Variants in UACA observed in about 807,000 individuals in gnomAD.
UACA encodes the protein nuclear membrane binding protein.
Under a neutral mutation model 160.5 loss-of-function variants are expected in UACA, and 112 were observed. The observed-to-expected ratio is 0.70, with a 90% CI of 0.60 to 0.82. The LOEUF is 0.82. Among genes scored for constraint, UACA ranks in the 40% least tolerant of loss-of-function variants. The pLI, the probability that UACA is intolerant of heterozygous loss-of-function variation, is 0.00. For missense variants in UACA, 1,574 were observed against 1,614.6 expected, an observed-to-expected ratio of 0.97 and a Z score of 0.43; for synonymous variants, 557 against 568.4, an observed-to-expected ratio of 0.98 and a Z score of 0.29.
At chr15:70,670,553 T>TTAAACCTACTTCTGCCC (rs1897101500) in intron 15 of UACA, among the ~76,000 whole-genome samples, 1 of 152,090 alleles carries the variant, frequency 6.6e-6, no homozygotes, top group Non-Finnish European at 1.5e-5. Flanking sequence ...TCCCTCTGCC[T>TTAAACCTACTTCTGCCC]TAAACCTACT....
At position 70,669,344 on chromosome 15, in the gene UACA, TCTAA is replaced by T; in HGVS notation, c.1336_1339del (p.Leu446LysfsTer15). ...TGACTCACAGAAAGTTCGCATTGCT[TCTAA>T]CTCTTTCTTTAAAATTTCATTTTCA... is the stretch of plus-strand genomic sequence containing the variant. On this transcript the variant is annotated frameshift_variant, in exon 16 of 19. Transcript: ENST00000322954. LOFTEE classifies it high-confidence loss of function. The T allele has an allele frequency of 1.9e-6, 3 of 1,614,104 alleles. No homozygotes were observed. The highest frequency in any genetic ancestry group is 1.1e-5 in the South Asian group (1 of 91,086).
In UACA at chr15:70,668,996, A is replaced by T. The variant is rs751617518; in HGVS notation, c.1688T>A (p.Leu563Ter). Residue 563 changes from leucine to a stop codon, truncating the protein, a stop_gained, in exon 16 of 19, where the codon TTA becomes TAA. Transcript: ENST00000322954. LOFTEE classifies it high-confidence loss of function. ...CTCATTTTGTTTGATTTGGTTTCTT[A>T]ATTTCCCCACTTCTGCTGAAGCACC... Reference protein sequence around the residue: ...YEGASAEVGKLRNQIKQNEMI... With the variant: ...YEGASAEVGK 3 of 1,613,754 alleles carry T rather than the reference A, an allele frequency of 1.9e-6. No homozygotes were observed. The Admixed American group carries it at 5.0e-5, about 27-fold the overall frequency.
intron 1 of UACA, among the ~76,000 whole-genome samples, chr15:70,710,188 G>T (rs904435082): frequency 6.6e-6 from 1 of 152,098 alleles, no homozygotes; most frequent in Non-Finnish European, 1.5e-5. Context: ...CTGGGAAGTC[G>T]GGGCTGCAGT....
rs1566970715 is a variant in UACA at position 70,678,125 on chromosome 15, T to A, written c.973A>T (p.Asn325Tyr). Reference protein sequence around the residue: ...QEQRILLDKVNGLQLQLNEEV... With the variant: ...QEQRILLDKVYGLQLQLNEEV... ...TCATTCAGCTGTAACTGTAAACCAT[T>A]GACTTTATCCAAAAGTATTCTTTGT... Residue 325 changes from asparagine to tyrosine, a missense_variant, in exon 11 of 19, where the codon AAT becomes TAT. By Grantham distance (143) the Asn-to-Tyr change is moderately radical. Transcript: ENST00000322954. The A allele has an allele frequency of 6.2e-7, 1 of 1,607,512 alleles. No individual in the cohort carries two copies. The highest frequency in any genetic ancestry group is 1.7e-4 in the Middle Eastern group (1 of 6,020).
intron 1 of UACA, among the ~76,000 whole-genome samples, chr15:70,726,359 A>G (rs1402505295): frequency 1.3e-5 from 2 of 152,202 alleles, no homozygotes; most frequent in East Asian, 3.8e-4. Context: ...CAAGATGTAT[A>G]TCTGAGCAGC....
chr15:70,702,128 G>T (rs762157451), intron 1 of UACA: 5 of 1,306,404 alleles, frequency 3.8e-6, no homozygotes, highest in Non-Finnish European at 4.9e-6. Flanking sequence ...TATCTTCCTT[G>T]CAATGCAGAA....
At chr15:70,710,494 A>AC (rs1270126173) in intron 1 of UACA, among the ~76,000 whole-genome samples, 1 of 152,116 alleles carries the variant, frequency 6.6e-6, no homozygotes, top group Admixed American at 6.5e-5. Flanking sequence ...GACACTAGCT[A>AC]CCTGGAGATA....
chr15:70,736,225 A>G (rs1032955362), intron 1 of UACA, among the ~76,000 whole-genome samples: 1 of 152,204 alleles, frequency 6.6e-6, no homozygotes, highest in East Asian at 1.9e-4. Flanking sequence ...GTTTCACATC[A>G]TATTTTACAT....
rs148084056 is a variant in UACA at position 70,735,562 on chromosome 15, C to G, written c.78+27768G>C. Among the ~76,000 whole-genome samples, 3 of 152,268 alleles carry G rather than the reference C, an allele frequency of 2.0e-5. No homozygotes were observed. The East Asian group carries it at 5.8e-4, about 29-fold the overall frequency. On this transcript the variant is annotated intron_variant, in intron 1 of 18. Transcript: ENST00000322954. ...TGGGATTATACTAATAGTCCTCCAG[C>G]TTGCTTCTTTTTACATATTTTGACA...
At chr15:70,758,325 C>T (rs1417970061) in intron 1 of UACA, 2 of 152,100 alleles carry the variant, frequency 1.3e-5, no homozygotes, top group African/African-American at 4.8e-5. Flanking sequence ...AGAAATTCAA[C>T]GCAGGGATAA....
intron 1 of UACA, among the ~76,000 whole-genome samples, chr15:70,727,774 C>A (rs1566992847): frequency 6.6e-6 from 1 of 152,106 alleles, no homozygotes; most frequent in Non-Finnish European, 1.5e-5. Flanking sequence ...CTTAATATAG[C>A]CAGTAATCAG....
Position 70,704,982 on chromosome 15 carries a change from C to T in UACA, c.79-5322G>A, listed in dbSNP as rs572097369. ...AATAGCTGGATTGGTTACAGGATGG[C>T]GTTTGTCGTATTTGAATACAGTTTG... On this transcript the variant is annotated intron_variant, in intron 1 of 18. Transcript: ENST00000322954. 5.9e-5 allele frequency among the ~76,000 whole-genome samples: 9 copies of T among 152,004 alleles called. No homozygotes were observed. In the South Asian group the frequency reaches 6.2e-4, roughly 11 times the overall value.
chr15:70,760,659 T>G (rs2030694654), intron 1 of UACA, among the ~76,000 whole-genome samples: 1 of 151,728 alleles, frequency 6.6e-6, no homozygotes, highest in South Asian at 2.1e-4. Flanking sequence ...ATACAAAAAT[T>G]AGCCTGGCGT....
At chr15:70,764,949 T>C (rs923313796), upstream of UACA, among the ~76,000 whole-genome samples, 2 of 152,156 alleles carry the variant, frequency 1.3e-5, no homozygotes, top group Admixed American at 1.3e-4. Flanking sequence ...CAACCTTCAG[T>C]CTCTTAATTG....
At chr15:70,687,440 G>T (rs981733314) in intron 7 of UACA, 100 bp downstream of exon 7, 1 of 1,105,414 alleles carries the variant, frequency 9.0e-7, no homozygotes, top group Non-Finnish European at 1.3e-6. Context: ...GAACCCACAG[G>T]AAAGAAAGGC....
At position 70,666,762 on chromosome 15, in the gene UACA, G is replaced by T; in HGVS notation, c.3922C>A (p.Gln1308Lys). 6.2e-7 allele frequency: 1 copy of T among 1,609,378 alleles called. No homozygotes were observed. The highest frequency in any genetic ancestry group is 2.2e-5 in the East Asian group (1 of 44,840). ...GCTTCTATTTGTTTAGCAGATTCTTGTATTCTTCTTTGTAACTCTGTGATT... is the reference window on the plus strand; with the variant it reads ...GCTTCTATTTGTTTAGCAGATTCTTTTATTCTTCTTTGTAACTCTGTGATT... ...TTITELQRRIQESAKQIEAKD... is the reference protein window; with the variant it reads ...TTITELQRRIKESAKQIEAKD... Residue 1308 changes from glutamine to lysine, a missense_variant, in exon 16 of 19, where the codon CAA (glutamine) becomes AAA (lysine). Transcript: ENST00000322954.
intron 1 of UACA, among the ~76,000 whole-genome samples, chr15:70,747,150 C>T (rs1428935748): frequency 2.0e-5 from 3 of 151,812 alleles, no homozygotes; most frequent in Non-Finnish European, 4.4e-5. Flanking sequence ...TGTATTTTGT[C>T]ACCTTTACAC....
chr15:70,762,983 C>A (rs1449731734), intron 1 of UACA, among the ~76,000 whole-genome samples: 5 of 136,180 alleles, frequency 3.7e-5, no homozygotes, highest in Admixed American at 3.6e-4. Context: ...GAGAGGAGAG[C>A]GACGAGGGGG....
intron 18 of UACA, among the ~76,000 whole-genome samples, chr15:70,659,391 G>GTTTTTTTTTTTTTTTTTTTTT (rs1375150038): frequency 2.0e-4 from 2 of 9,958 alleles, no homozygotes; most frequent in Non-Finnish European, 4.2e-4. Context: ...TTCATTTTTT[G>GTTTTTTTTTTTTTTTTTTTTT]TTTGTTTTTT....
Sources: gnomAD v4.1 joint callset for allele counts (sites outside exome capture counted in the v4.1 genomes callset) on GRCh38, gnomAD v4.1.1 for gene constraint, MANE v1.5 for transcripts, NCBI Gene and HGNC (gene_info 2026-07-23, HGNC 2026-07-21) for gene names.